TCOF1: variants seen among roughly 807,000 people sequenced by gnomAD.
TCOF1 encodes treacle ribosome biogenesis factor 1.
Under a neutral mutation model 149.0 loss-of-function variants are expected in TCOF1, and 33 were observed. The ratio of observed to expected loss-of-function variants is 0.22; its 90% CI spans 0.17 to 0.30. The LOEUF is 0.30. TCOF1 is among the 10% of genes least tolerant of loss of function. TCOF1 has a pLI of 1.00. For missense variants in TCOF1, 1,728 were observed against 1,840.7 expected, an observed-to-expected ratio of 0.94 and a Z score of 1.12; for synonymous variants, 789 against 738.8, an observed-to-expected ratio of 1.07 and a Z score of -1.10.
At position 150,357,760 on chromosome 5, in the gene TCOF1, G is replaced by A. The variant is rs1359949930; in HGVS notation, c.14G>A (p.Arg5Lys). The change falls in exon 1 of 27, where the codon AGG becomes AAG. Residue 5 changes from arginine to lysine, a missense_variant. Arg to Lys is a conservative substitution (Grantham distance 26, BLOSUM62 2). Around this residue, in one of 2 missense-constraint regions of TCOF1, gnomAD observed 32 missense variants for 75.3 expected, o/e 0.43. Transcript: ENST00000643257. The stretch of plus-strand genomic sequence containing the variant: ...GGGGTCGCGGGTATGGCCGAGGCCA[G>A]GAAGCGGCGGGAGCTACTTCCCCTG... Reference protein sequence around the residue: MAEARKRRELLPLIY... With the variant: MAEAKKRRELLPLIY... 6.5e-7 allele frequency: 1 copy of A among 1,549,462 alleles called. No homozygotes were observed. The highest frequency in any genetic ancestry group is 8.7e-7 in the Non-Finnish European group (1 of 1,146,542).
chr5:150,395,900 G>A (rs1409331426), intron 23 of TCOF1, among the ~76,000 whole-genome samples: 1 of 152,222 alleles, frequency 6.6e-6, no homozygotes, highest in Non-Finnish European at 1.5e-5. Context: ...GGGTGGGAAA[G>A]TCAGACCTAG....
At chr5:150,374,440 T>C (rs904864505) in intron 8 of TCOF1, 54 bp downstream of exon 8, 63 of 1,549,268 alleles carry the variant, frequency 4.1e-5, no homozygotes, top group Non-Finnish European at 5.1e-5. Flanking sequence ...CAGAAGGCCT[T>C]CTCAGGACTT....
At chr5:150,386,008 G>A (rs1190115998) in intron 17 of TCOF1, among the ~76,000 whole-genome samples, 2 of 152,180 alleles carry the variant, frequency 1.3e-5, no homozygotes, top group Non-Finnish European at 2.9e-5. Flanking sequence ...GGAAACTGAG[G>A]ATCAGAAAGT....
intron 7 of TCOF1, among the ~76,000 whole-genome samples, chr5:150,372,832 G>C (rs1762845402): frequency 6.6e-6 from 1 of 152,214 alleles, no homozygotes. Context: ...ACTTGAAGCA[G>C]AGTGCTCTGG....
intron 3 of TCOF1, among the ~76,000 whole-genome samples, chr5:150,365,498 C>G (rs1761141867): frequency 1.3e-5 from 2 of 152,130 alleles, no homozygotes; most frequent in African/African-American, 4.8e-5. Flanking sequence ...TGTTCCCTAT[C>G]ATTCCTAAGT....
At chr5:150,362,503 A>G (rs1320303656) in intron 2 of TCOF1, among the ~76,000 whole-genome samples, 1 of 152,216 alleles carries the variant, frequency 6.6e-6, no homozygotes, top group Non-Finnish European at 1.5e-5. Flanking sequence ...CCCCGGAGAC[A>G]GAAGTGGGCC....
chr5:150,387,809 C>T, intron 17 of TCOF1, 93 bp from the exon 18 acceptor site: 1 of 1,572,158 alleles, frequency 6.4e-7, no homozygotes, highest in South Asian at 1.1e-5. Flanking sequence ...TCAGTGGACC[C>T]TTTGCCTTGT....
intron 17 of TCOF1, chr5:150,379,940 C>T (rs1338952612): frequency 1.3e-5 from 7 of 558,674 alleles, no homozygotes; most frequent in South Asian, 7.1e-5. Context: ...GGCATGGTGG[C>T]GGGTGCCTGT....
At position 150,375,341 on chromosome 5, in the gene TCOF1, G is replaced by A. The variant is rs1473015759; in HGVS notation, c.1491G>A (p.Val497=). Residue 497 remains valine, a splice_region_variant and synonymous_variant, in exon 11 of 27, where the codon GTG becomes GTA. Transcript: ENST00000643257. The part of the protein sequence containing the change: ...EALAAMNAAQ[V]KPLGKSPQVK... ...ATCTTGTCCTTTGTGTCTCCCAGGT[G>A]AAGCCCTTGGGGAAAAGCCCCCAGG... 1.1e-5 allele frequency: 17 copies of A among 1,611,166 alleles called. No individual in the cohort carries two copies. The highest frequency in any genetic ancestry group is 1.3e-5 in the Non-Finnish European group (15 of 1,179,196).
intron 3 of TCOF1, among the ~76,000 whole-genome samples, chr5:150,364,683 G>A (rs1331474648): frequency 6.6e-6 from 1 of 152,174 alleles, no homozygotes; most frequent in Non-Finnish European, 1.5e-5. Context: ...GTACCCATTA[G>A]CACTGGAACG....
At position 150,390,000 on chromosome 5, in the gene TCOF1, A is replaced by G; in HGVS notation, c.3160A>G (p.Lys1054Glu). The change falls in exon 19 of 27, where the codon AAA becomes GAA. Residue 1054 changes from lysine (K) to glutamate (E), a missense_variant. Lys to Glu is a moderately conservative substitution (Grantham distance 56). This residue lies in a region of TCOF1 where 1,696 missense variants were observed against 1,765.4 expected (regional missense o/e 0.96). Coordinates refer to ENST00000643257, the MANE Select transcript of TCOF1 (RefSeq NM_001371623.1). ...KESSRISDGK[K>E]QEGPATQVSK... ...GTCCAGTCGGATATCAGATGGCAAG[A>G]AACAGGAGGGACCAGCCACTCAGGT... 1 of 1,612,462 alleles carries G rather than the reference A, an allele frequency of 6.2e-7. No homozygotes were observed. The highest frequency in any genetic ancestry group is 8.5e-7 in the Non-Finnish European group (1 of 1,179,480).
chr5:150,371,253 G>A (rs1441820361), intron 6 of TCOF1, among the ~76,000 whole-genome samples: 1 of 152,062 alleles, frequency 6.6e-6, no homozygotes, highest in Admixed American at 6.6e-5. Flanking sequence ...TCTACCCCAG[G>A]CCTTACCAAG....
intron 17 of TCOF1, chr5:150,383,741 C>T (rs1406525403): frequency 3.9e-6 from 6 of 1,551,890 alleles, no homozygotes; most frequent in African/African-American, 1.4e-5. Context: ...TGTTTAGGAC[C>T]AGGAGTCTTC....
chr5:150,389,383 A>C (rs918238625), intron 18 of TCOF1, among the ~76,000 whole-genome samples: 1 of 152,224 alleles, frequency 6.6e-6, no homozygotes, highest in Non-Finnish European at 1.5e-5. Flanking sequence ...TAATGGCTAC[A>C]GAGAAATCCC....
intron 3 of TCOF1, among the ~76,000 whole-genome samples, chr5:150,366,383 G>C (rs1043693987): frequency 5.3e-5 from 8 of 152,116 alleles, no homozygotes; most frequent in African/African-American, 1.9e-4. Flanking sequence ...CTCATTGAGA[G>C]AGAAACATGC....
At chr5:150,375,588 C>A (rs756386539) in intron 11 of TCOF1, 34 bp downstream of exon 11, 1 of 1,609,382 alleles carries the variant, frequency 6.2e-7, no homozygotes. Flanking sequence ...CTTTCTTTTT[C>A]CCCCCCACTC....
Position 150,373,698 on chromosome 5 carries a change from T to C in TCOF1, c.871-476T>C, listed in dbSNP as rs1338447013. Among the ~76,000 whole-genome samples, 3 of 152,272 alleles carry C rather than the reference T, an allele frequency of 2.0e-5. No homozygotes were observed. In the East Asian group the frequency reaches 5.8e-4, roughly 29 times the overall value. ...AAAGTCCAGTGAGGGCCTCCCTCAG[T>C]CCCTTCCCCACTTTCAGACTGCCTC... On this transcript the variant is annotated intron_variant, in intron 7 of 26. Transcript: ENST00000643257.
rs116618057 is a variant in TCOF1 at position 150,370,285 on chromosome 5, G to A, written c.639+683G>A. ...GGGCCACGCAGGGCAGGAACCTGAC[G>A]TTGATGAGTAGGCGTAAGCAGAAGG... On this transcript the variant is annotated intron_variant, in intron 6 of 26. Transcript: ENST00000643257. Among the ~76,000 whole-genome samples, 1,213 of 152,330 alleles carry A rather than the reference G, an allele frequency of 8.0e-3. 17 individuals are homozygous for A. The highest frequency in any genetic ancestry group is 0.028 in the African/African-American group (1,149 of 41,572).
intron 17 of TCOF1, chr5:150,384,852 C>G (rs1330216212): frequency 1.0e-6 from 1 of 985,438 alleles, no homozygotes; most frequent in Non-Finnish European, 1.2e-6. Context: ...TTGAGCACCT[C>G]TCTATTGACA....
Sources: gnomAD v4.1 joint callset for allele counts (sites outside exome capture counted in the v4.1 genomes callset) on GRCh38, gnomAD v4.1.1 for gene constraint, gnomAD v4.1.1 regional missense constraint, MANE v1.5 for transcripts, NCBI Gene and HGNC (gene_info 2026-07-23, HGNC 2026-07-21) for gene names.